ABCC5: variants seen among roughly 807,000 people sequenced by gnomAD.
The protein encoded by ABCC5 is ATP binding cassette subfamily C member 5.
A neutral mutation model predicts 160.9 loss-of-function variants in ABCC5; 61 were observed. The observed-to-expected ratio is 0.38, with a 90% confidence interval of 0.31 to 0.47. ABCC5 has a LOEUF of 0.47. Among genes scored for constraint, ABCC5 ranks in the 20% least tolerant of loss-of-function variants. The probability of loss-of-function intolerance (pLI) is 0.99; values close to 1 mark genes in which losing one functional copy is unlikely to be tolerated. For missense variants in ABCC5, 1,308 were observed against 1,813.3 expected (o/e 0.72, Z 5.06); for synonymous variants, 666 against 700.6 (o/e 0.95, Z 0.78).
At position 183,987,736 on chromosome 3, in the gene ABCC5, C is replaced by T; in HGVS notation, c.591+34G>A. 1 of 1,614,038 alleles carries T rather than the reference C, an allele frequency of 6.2e-7. No homozygotes were observed. The highest frequency in any genetic ancestry group is 8.5e-7 in the Non-Finnish European group (1 of 1,179,974). The stretch of plus-strand genomic sequence containing the variant: ...GTTAGAGCTGGCCGTGGCCGGGCCC[C>T]TGGAGACTGTCGGAAAGGATGGTTA... On this transcript the variant is annotated intron_variant, in intron 5 of 29. Transcript: ENST00000334444. The surrounding 1 kb of genome is among the most constrained non-coding windows in gnomAD (Gnocchi z 4.2).
chr3:183,968,911 A>G (rs1291998782), intron 11 of ABCC5, among the ~76,000 whole-genome samples: 1 of 152,212 alleles, frequency 6.6e-6, no homozygotes, highest in African/African-American at 2.4e-5. Context: ...ACCTTGAGGA[A>G]AGGCAGTATC....
In ABCC5 at chr3:183,961,957, T is replaced by G. The variant is rs139858669; in HGVS notation, c.2236-303A>C. Among the ~76,000 whole-genome samples the G allele has an allele frequency of 3.1e-3, 475 of 152,300 alleles. 2 individuals are homozygous for G. The highest frequency in any genetic ancestry group is 3.9e-3 in the Non-Finnish European group (268 of 68,024). On this transcript the variant is annotated intron_variant, in intron 15 of 29. Coordinates refer to ENST00000334444, the MANE Select transcript of ABCC5 (RefSeq NM_005688.4). ...ACCATGTCTGGCTAATTTTTTTGTA[T>G]TTTTAGTAGAGACGGGGTTTTGCCG...
intron 10 of ABCC5, among the ~76,000 whole-genome samples, 159 bp downstream of exon 10, chr3:183,977,358 C>A (rs940136824): frequency 6.6e-6 from 1 of 152,230 alleles, no homozygotes; most frequent in Admixed American, 6.5e-5. Flanking sequence ...TCCCTCAATT[C>A]AGTCTCCTCC....
intron 2 of ABCC5, among the ~76,000 whole-genome samples, chr3:183,994,664 G>A (rs140090051): frequency 2.0e-5 from 3 of 152,248 alleles, no homozygotes; most frequent in East Asian, 1.9e-4. Flanking sequence ...GTGAGCCACC[G>A]CACCTGGCCA....
intron 11 of ABCC5, among the ~76,000 whole-genome samples, chr3:183,969,292 T>C (rs1186213077): frequency 6.6e-6 from 1 of 152,202 alleles, no homozygotes; most frequent in African/African-American, 2.4e-5. Context: ...AAAGAATACA[T>C]TTTAGCTGCA....
Position 184,009,993 on chromosome 3 carries a change from CA to C in ABCC5, c.129+4270del, listed in dbSNP as rs555925389. 1.4e-3 allele frequency: 622 copies of C among 432,976 alleles called. 1 individual carries two copies. Among genetic ancestry groups the C allele is most frequent in the African/African-American group, 0.011 (544 of 48,742 alleles). 26.8% of individuals were successfully genotyped at this position (432,976 alleles called of 1,614,324 possible). On this transcript the variant is annotated intron_variant, in intron 2 of 29. Transcript: ENST00000334444. ...GAGAGTGCCTCTACAAAAAAACAAA[CA>C]AAAAAAATTTAATAAAAAATAAAAG...
intron 25 of ABCC5, among the ~76,000 whole-genome samples, chr3:183,940,052 C>T (rs1018393992): frequency 1.3e-4 from 20 of 152,142 alleles, no homozygotes; most frequent in Non-Finnish European, 2.8e-4. Context: ...CTGAAAAACA[C>T]CCATAAGACT....
At position 183,925,280 on chromosome 3, in the gene ABCC5, A is replaced by G. The variant is rs1712423612; in HGVS notation, c.4212+275T>C. ...GGGTGATCATTGTGTATGTGAATGA[A>G]TCACTAAGTACATGTACTCTCTGAC... On this transcript the variant is annotated intron_variant, in intron 29 of 29. Transcript: ENST00000334444. 1.3e-5 allele frequency among the ~76,000 whole-genome samples: 2 copies of G among 152,352 alleles called. 1 individual carries two copies. The highest frequency in any genetic ancestry group is 4.8e-5 in the African/African-American group (2 of 41,576).
At chr3:183,969,342 T>C (rs967612907) in intron 11 of ABCC5, among the ~76,000 whole-genome samples, 10 of 152,218 alleles carry the variant, frequency 6.6e-5, no homozygotes, top group Non-Finnish European at 1.5e-4. Flanking sequence ...TAGCAATGTA[T>C]TAGAGCTGCC....
intron 15 of ABCC5, among the ~76,000 whole-genome samples, chr3:183,962,658 A>G (rs561767687): frequency 3.3e-5 from 5 of 151,026 alleles, no homozygotes; most frequent in Non-Finnish European, 7.4e-5. Context: ...CGGCCTCCTG[A>G]GTAGCTGGGA....
intron 29 of ABCC5, among the ~76,000 whole-genome samples, chr3:183,923,397 C>T (rs928674651): frequency 6.6e-6 from 1 of 151,974 alleles, no homozygotes; most frequent in Non-Finnish European, 1.5e-5. Flanking sequence ...CTGAGGTGGG[C>T]GGATTATCTG....
intron 1 of ABCC5, among the ~76,000 whole-genome samples, chr3:184,016,170 G>C (rs1170817412): frequency 2.0e-5 from 3 of 152,124 alleles, no homozygotes; most frequent in Admixed American, 6.5e-5. Flanking sequence ...GGGACAAAAC[G>C]ACTTCCCTGT....
chr3:183,977,153 A>T (rs919007876), intron 10 of ABCC5, among the ~76,000 whole-genome samples: 3 of 152,226 alleles, frequency 2.0e-5, no homozygotes, highest in African/African-American at 7.2e-5. Context: ...AGCAAAGATC[A>T]AGGGGAAGAT....
chr3:183,977,616 T>G lies in ABCC5; in HGVS notation c.1305A>C (p.Thr435=), dbSNP rs773043531. The change falls in exon 10 of 30, where the codon ACA becomes ACC. Residue 435 remains threonine (T), a synonymous_variant. Transcript: ENST00000334444. The stretch of plus-strand genomic sequence containing the variant: ...TCATGGAATTGAAGACTGTCACCAC[T>G]GTGAAAGCCTGAAAATAGGAGAAGA... ...GFDLTAAQAF[T]VVTVFNSMTF... 1.9e-6 allele frequency: 3 copies of G among 1,612,880 alleles called. No individual in the cohort carries two copies. Among genetic ancestry groups the G allele is most frequent in the Non-Finnish European group, 2.5e-6 (3 of 1,179,050 alleles).
At chr3:183,936,947 C>T (rs1284615803) in intron 26 of ABCC5, among the ~76,000 whole-genome samples, 1 of 152,082 alleles carries the variant, frequency 6.6e-6, no homozygotes, top group African/African-American at 2.4e-5. Flanking sequence ...TTTTAATAGG[C>T]CAAGAAGAAG....
At chr3:183,961,741 G>A in intron 15 of ABCC5, 87 bp from the exon 16 acceptor site, 1 of 1,515,546 alleles carries the variant, frequency 6.6e-7, no homozygotes, top group African/African-American at 1.4e-5. Context: ...TTCTCTACAG[G>A]AGACGAGTTA....
At chr3:183,952,102 A>T in intron 18 of ABCC5, 99 bp from the exon 19 acceptor site, 7 of 1,188,260 alleles carry the variant, frequency 5.9e-6, no homozygotes, top group Non-Finnish European at 8.2e-6. Flanking sequence ...AGGGTACAGG[A>T]TAATGACCCA....
rs1715199906 is a variant in ABCC5 at position 183,950,075 on chromosome 3, G to A, written c.2995C>T (p.Leu999=). The change falls in exon 21 of 30, where the codon CTG becomes TTG. Residue 999 remains leucine (L), a synonymous_variant. Coordinates refer to ENST00000334444, the MANE Select transcript of ABCC5 (RefSeq NM_005688.4). The stretch of plus-strand genomic sequence containing the variant: ...ATCATTCCCACACAGAAGAACACCA[G>A]GATAACGTTCTGGATGAACATCTCG... The part of the protein sequence containing the change: ...QAEMFIQNVI[L]VFFCVGMIAG... 6.2e-7 allele frequency: 1 copy of A among 1,614,088 alleles called. No homozygotes were observed. Among genetic ancestry groups the A allele is most frequent in the South Asian group, 1.1e-5 (1 of 91,080 alleles).
At chr3:183,923,101 G>C (rs372187420) in intron 29 of ABCC5, among the ~76,000 whole-genome samples, 19 of 151,878 alleles carry the variant, frequency 1.3e-4, no homozygotes, top group Admixed American at 1.2e-3. Context: ...TACAATGCTC[G>C]TCTCTGGGGG....
Sources: allele counts gnomAD v4.1 joint callset (sites outside exome capture counted in the v4.1 genomes callset), GRCh38; gene constraint gnomAD v4.1.1; non-coding constraint Gnocchi (gnomAD v3.1); transcripts MANE v1.5; gene names NCBI Gene and HGNC (gene_info 2026-07-23, HGNC 2026-07-21).